SLC7A1: variants seen among roughly 807,000 people sequenced by gnomAD.
SLC7A1 encodes the protein high affinity cationic amino acid transporter 1.
In SLC7A1, 10 loss-of-function variants were observed where a neutral mutation model predicts 53.9. The observed-to-expected ratio is 0.19, with a 90% confidence interval of 0.11 to 0.31. SLC7A1 has a LOEUF of 0.31. Ranked by LOEUF, SLC7A1 falls within the 10% of genes least tolerant of loss-of-function variation. The pLI is 1.00. For missense variants in SLC7A1, 525 were observed against 827.2 expected (o/e 0.63, Z 4.48); for synonymous variants, 342 against 338.7 (o/e 1.01, Z -0.11).
intron 1 of SLC7A1, among the ~76,000 whole-genome samples, chr13:29,593,635 T>C (rs568662385): frequency 1.1e-3 from 172 of 152,374 alleles, no homozygotes; most frequent in African/African-American, 3.9e-3. Context: ...TGTATGGACT[T>C]TGGTTAAAAT....
In SLC7A1 at chr13:29,555,582, C is replaced by A. The variant is rs1041240624; in HGVS notation, c.-114-1722G>T. 2.0e-5 allele frequency among the ~76,000 whole-genome samples: 3 copies of A among 150,702 alleles called. No homozygotes were observed. The South Asian group carries it at 6.4e-4, about 32-fold the overall frequency. ...AGTCAGGCTCACAGCCCACCAGGGA[C>A]ACAGCATCCTGGTGCCCCACTGCAG... On this transcript the variant is annotated intron_variant, in intron 1 of 12. Coordinates refer to ENST00000380752, the MANE Select transcript of SLC7A1 (RefSeq NM_003045.5).
In SLC7A1 at chr13:29,513,624, G is replaced by C. The variant is rs1299620581; in HGVS notation, c.*856C>G. 6.5e-6 allele frequency: 1 copy of C among 152,742 alleles called. No individual in the cohort carries two copies. The highest frequency in any genetic ancestry group is 2.4e-5 in the African/African-American group (1 of 41,464). The allele number at this position is 152,742 out of a possible 1,614,324, so 9.5% of individuals were successfully genotyped here. ...AGACTTCTGACTCGGCCACCATGGG[G>C]CCAGTCCTGCAGATACTGTCTCATG... On this transcript the variant is annotated 3_prime_UTR_variant, in exon 13 of 13. Coordinates refer to ENST00000380752, the MANE Select transcript of SLC7A1 (RefSeq NM_003045.5).
chr13:29,531,131 T>C (rs566386649), intron 4 of SLC7A1, among the ~76,000 whole-genome samples: 1 of 152,330 alleles, frequency 6.6e-6, no homozygotes, highest in East Asian at 1.9e-4. Flanking sequence ...AGACTTTGCA[T>C]AGTTTCCTGG....
intron 1 of SLC7A1, among the ~76,000 whole-genome samples, chr13:29,560,900 T>C (rs1284771916): frequency 1.3e-5 from 2 of 152,200 alleles, no homozygotes; most frequent in South Asian, 2.1e-4. Context: ...GAACGATTTA[T>C]AAATCAAAAG....
chr13:29,554,823 C>T (rs558507819), intron 1 of SLC7A1, among the ~76,000 whole-genome samples: 1 of 152,336 alleles, frequency 6.6e-6, no homozygotes, highest in African/African-American at 2.4e-5. Flanking sequence ...GTCTTTCATA[C>T]ATTGATAATT....
At chr13:29,566,673 G>A (rs9579408) in intron 1 of SLC7A1, among the ~76,000 whole-genome samples, 9,972 of 152,286 alleles carry the variant, frequency 0.065, 404 homozygotes, top group Middle Eastern at 0.16. Flanking sequence ...AAATATTCCA[G>A]AATTAGGGCG....
At chr13:29,539,118 A>C (rs1462892123) in intron 2 of SLC7A1, among the ~76,000 whole-genome samples, 2 of 152,180 alleles carry the variant, frequency 1.3e-5, no homozygotes, top group African/African-American at 2.4e-5. Context: ...GAAGGTGAGA[A>C]GGGGTCGCCC....
chr13:29,541,349 C>G (rs1357241732), intron 2 of SLC7A1, among the ~76,000 whole-genome samples: 1 of 152,122 alleles, frequency 6.6e-6, no homozygotes, highest in Admixed American at 6.5e-5. Flanking sequence ...CCTTAACAGG[C>G]AGAAAGAGAC....
At chr13:29,571,786 C>A (rs1197796103) in intron 1 of SLC7A1, among the ~76,000 whole-genome samples, 7 of 152,180 alleles carry the variant, frequency 4.6e-5, no homozygotes, top group Admixed American at 1.3e-4. Flanking sequence ...ATTTGTTTTG[C>A]AAACTGTGTA....
intron 3 of SLC7A1, 48 bp downstream of exon 3, chr13:29,535,767 GAACA>G (rs1869382676): frequency 5.7e-6 from 9 of 1,570,692 alleles, no homozygotes; most frequent in Non-Finnish European, 7.8e-6. Context: ...TTGGAGGTGG[GAACA>G]AACAGAAAAG....
intron 5 of SLC7A1, among the ~76,000 whole-genome samples, chr13:29,524,480 C>T (rs1468671533): frequency 1.3e-5 from 2 of 152,192 alleles, no homozygotes; most frequent in African/African-American, 4.8e-5. Context: ...GAGTATCGCC[C>T]CTTCCAGAAG....
At chr13:29,589,578 T>G (rs280916) in intron 1 of SLC7A1, among the ~76,000 whole-genome samples, 5,922 of 152,230 alleles carry the variant, frequency 0.039, 367 homozygotes, top group African/African-American at 0.13. Flanking sequence ...GAAGACCCAC[T>G]TTCAGAGACA....
At chr13:29,593,537 T>C (rs776315708) in intron 1 of SLC7A1, among the ~76,000 whole-genome samples, 28 of 152,374 alleles carry the variant, frequency 1.8e-4, no homozygotes, top group Non-Finnish European at 2.9e-4. Flanking sequence ...CTAGGATTAA[T>C]AGCAATCCCT....
chr13:29,574,879 C>T (rs1479531968), intron 1 of SLC7A1, among the ~76,000 whole-genome samples: 2 of 152,034 alleles, frequency 1.3e-5, no homozygotes, highest in African/African-American at 2.4e-5. Context: ...CTCCTGACCT[C>T]GTGATCCACC....
At chr13:29,515,395 C>T (rs117491609) in intron 12 of SLC7A1, among the ~76,000 whole-genome samples, 3,093 of 152,334 alleles carry the variant, frequency 0.02, 51 homozygotes, top group Non-Finnish European at 0.033. Context: ...AGGACCCACC[C>T]GGCTGCCAGC....
chr13:29,522,061 T>C (rs1022307733), intron 8 of SLC7A1, among the ~76,000 whole-genome samples: 4 of 152,172 alleles, frequency 2.6e-5, no homozygotes, highest in Non-Finnish European at 5.9e-5. Flanking sequence ...TACTGTGTGT[T>C]CTAAGCTCCG....
intron 4 of SLC7A1, among the ~76,000 whole-genome samples, chr13:29,531,014 C>T (rs1419322112): frequency 6.6e-6 from 1 of 152,180 alleles, no homozygotes; most frequent in Non-Finnish European, 1.5e-5. Flanking sequence ...GGAGCATGAG[C>T]CCCTCTCATA....
At chr13:29,515,998 C>T in intron 12 of SLC7A1, 140 bp downstream of exon 12, 1 of 579,076 alleles carries the variant, frequency 1.7e-6, no homozygotes, top group South Asian at 2.4e-5. Flanking sequence ...GAGGAGAGGA[C>T]TCACAGCCTA....
At chr13:29,548,180 T>G (rs1373217076) in intron 2 of SLC7A1, among the ~76,000 whole-genome samples, 2 of 152,082 alleles carry the variant, frequency 1.3e-5, no homozygotes, top group Non-Finnish European at 2.9e-5. Context: ...AAAGCAACCC[T>G]CTCTCACCCG....
Sources: allele counts gnomAD v4.1 joint callset (sites outside exome capture counted in the v4.1 genomes callset), GRCh38; gene constraint gnomAD v4.1.1; transcripts MANE v1.5; gene names NCBI Gene and HGNC (gene_info 2026-07-23, HGNC 2026-07-21).